Variants in LRMDA observed in about 807,000 individuals in gnomAD.
LRMDA encodes the protein leucine-rich melanocyte differentiation-associated protein.
Under a neutral mutation model 29.8 loss-of-function variants are expected in LRMDA, and 18 were observed. The ratio of observed to expected loss-of-function variants is 0.60; its 90% CI spans 0.42 to 0.90. LRMDA has a LOEUF of 0.90. Ranked by LOEUF, LRMDA falls within the 40% of genes least tolerant of loss-of-function variation. The pLI, the probability that LRMDA is intolerant of heterozygous loss-of-function variation, is 0.00. For synonymous variants in LRMDA, 125 were observed against 109.4 expected, an observed-to-expected ratio of 1.14 and a Z score of -0.89; for missense variants, 273 against 273.9, an observed-to-expected ratio of 1.00 and a Z score of 0.02.
chr10:76,045,860 T>C (rs1226598062), intron 3 of LRMDA, among the ~76,000 whole-genome samples: 1 of 152,130 alleles, frequency 6.6e-6, no homozygotes, highest in African/African-American at 2.4e-5. Context: ...AATTCCGACA[T>C]TGGTTGGATT....
intron 2 of LRMDA, among the ~76,000 whole-genome samples, chr10:75,841,051 T>C (rs1454308123): frequency 6.6e-6 from 1 of 152,214 alleles, no homozygotes; most frequent in African/African-American, 2.4e-5. Flanking sequence ...TCATACATGC[T>C]GTAGCTCTGG....
chr10:76,420,105 T>C (rs967731541), intron 6 of LRMDA, among the ~76,000 whole-genome samples: 1 of 151,954 alleles, frequency 6.6e-6, no homozygotes, highest in African/African-American at 2.4e-5. Context: ...TTGTTTTTTC[T>C]ATTCTTTGGA....
chr10:76,324,341 AG>A (rs879521549), intron 5 of LRMDA, 59 bp from the exon 6 acceptor site: 11 of 1,389,334 alleles, frequency 7.9e-6, no homozygotes, highest in Non-Finnish European at 1.0e-5. Context: ...CTGGTAAATG[AG>A]GGTATTTGGT....
intron 6 of LRMDA, among the ~76,000 whole-genome samples, chr10:76,486,611 A>G (rs1345581812): frequency 6.6e-6 from 1 of 151,818 alleles, no homozygotes; most frequent in Admixed American, 6.6e-5. Flanking sequence ...TCAGGGTTTT[A>G]TTACTCTACA....
chr10:75,598,727 GTCTT>G (rs1840837847), intron 2 of LRMDA, among the ~76,000 whole-genome samples: 1 of 152,136 alleles, frequency 6.6e-6, no homozygotes, highest in Admixed American at 6.5e-5. Flanking sequence ...TCCTTCCGCG[GTCTT>G]TCTTACGCAT....
At chr10:76,156,357 C>T (rs568068176) in intron 5 of LRMDA, among the ~76,000 whole-genome samples, 10 of 152,154 alleles carry the variant, frequency 6.6e-5, no homozygotes, top group African/African-American at 1.7e-4. Context: ...TGCTTCTCTT[C>T]TATGAAAAAA....
At chr10:76,096,096 T>C (rs2132096588) in intron 5 of LRMDA, among the ~76,000 whole-genome samples, 1 of 152,326 alleles carries the variant, frequency 6.6e-6, no homozygotes, top group South Asian at 2.1e-4. Flanking sequence ...ACAGTGTCTT[T>C]TGAAGAGCAA....
At chr10:76,047,572 G>A (rs1848461795) in intron 4 of LRMDA, among the ~76,000 whole-genome samples, 1 of 152,132 alleles carries the variant, frequency 6.6e-6, no homozygotes, top group South Asian at 2.1e-4. Flanking sequence ...AAGTTACATG[G>A]ACTTGTCACA....
chr10:76,152,299 C>G (rs562027792), intron 5 of LRMDA, among the ~76,000 whole-genome samples: 1 of 152,148 alleles, frequency 6.6e-6, no homozygotes, highest in South Asian at 2.1e-4. Flanking sequence ...TGGCTTCTTT[C>G]ATTTGGCATA....
At chr10:76,059,347 C>T (rs1314509968) in intron 5 of LRMDA, among the ~76,000 whole-genome samples, 1 of 152,204 alleles carries the variant, frequency 6.6e-6, no homozygotes, top group Non-Finnish European at 1.5e-5. Context: ...ACTGACCTTT[C>T]CTTTACCAGC....
intron 2 of LRMDA, among the ~76,000 whole-genome samples, chr10:75,780,688 C>T (rs1843371007): frequency 6.6e-6 from 1 of 152,198 alleles, no homozygotes; most frequent in South Asian, 2.1e-4. Flanking sequence ...GGCACAAGTA[C>T]TAGGGCCAGT....
At chr10:75,499,761 G>A (rs1454199724) in intron 2 of LRMDA, among the ~76,000 whole-genome samples, 1 of 152,104 alleles carries the variant, frequency 6.6e-6, no homozygotes, top group Non-Finnish European at 1.5e-5. Flanking sequence ...GGTCATAGGA[G>A]GGGTTGTTTT....
chr10:76,032,869 C>T (rs900905839), intron 2 of LRMDA, among the ~76,000 whole-genome samples: 2 of 152,122 alleles, frequency 1.3e-5, no homozygotes, highest in African/African-American at 4.8e-5. Flanking sequence ...GCTGGACTGA[C>T]AGTTGGCGTC....
intron 2 of LRMDA, among the ~76,000 whole-genome samples, chr10:75,703,285 T>A (rs748698172): frequency 3.9e-5 from 6 of 152,046 alleles, no homozygotes; most frequent in Non-Finnish European, 8.8e-5. Context: ...GGGGTGGGAT[T>A]GGGGGACGCA....
At chr10:75,583,892 A>G (rs1457120652) in intron 2 of LRMDA, among the ~76,000 whole-genome samples, 1 of 152,046 alleles carries the variant, frequency 6.6e-6, no homozygotes, top group Non-Finnish European at 1.5e-5. Context: ...TAGCAGGCCT[A>G]TGGTTGATGC....
intron 2 of LRMDA, among the ~76,000 whole-genome samples, chr10:75,768,638 T>C (rs1843200097): frequency 6.6e-6 from 1 of 152,220 alleles, no homozygotes; most frequent in South Asian, 2.1e-4. Flanking sequence ...ATGCGGTCTT[T>C]CAGTCCCAGC....
At chr10:76,529,600 G>A (rs1306559554) in intron 6 of LRMDA, among the ~76,000 whole-genome samples, 1 of 152,038 alleles carries the variant, frequency 6.6e-6, no homozygotes, top group Non-Finnish European at 1.5e-5. Context: ...GCTGCAGGTG[G>A]CCTGCAAACT....
chr10:76,130,634 C>T (rs954241036), intron 5 of LRMDA, among the ~76,000 whole-genome samples: 13 of 152,138 alleles, frequency 8.5e-5, no homozygotes, highest in African/African-American at 2.9e-4. Flanking sequence ...TCCTGTCTCC[C>T]TGCCTTCTGT....
chr10:75,784,438 G>A (rs542989108), intron 2 of LRMDA, among the ~76,000 whole-genome samples: 1 of 152,198 alleles, frequency 6.6e-6, no homozygotes, highest in East Asian at 1.9e-4. Flanking sequence ...GGTGGCTCAC[G>A]CCTGTAATTG....
Sources: allele counts gnomAD v4.1 joint callset (sites outside exome capture counted in the v4.1 genomes callset), GRCh38; gene constraint gnomAD v4.1.1; transcripts MANE v1.5; gene names NCBI Gene and HGNC (gene_info 2026-07-23, HGNC 2026-07-21).